The following FBXO42 variants were observed in gnomAD, a reference collection of about 807,000 sequenced individuals.
FBXO42 encodes the protein F-box protein 42.
FBXO42 carries 12 observed loss-of-function variants against 71.7 expected under a neutral mutation model. The ratio of observed to expected loss-of-function variants is 0.17; its 90% CI spans 0.11 to 0.27. The LOEUF (loss-of-function observed/expected upper bound fraction) is 0.27. Among genes scored for constraint, FBXO42 ranks in the 10% least tolerant of loss-of-function variants. FBXO42 has a pLI of 1.00. For synonymous variants in FBXO42, 325 were observed against 327.5 expected (o/e 0.99, Z 0.08); for missense variants, 707 against 911.9 (o/e 0.78, Z 2.89).
Position 16,250,489 on chromosome 1 carries a change from A to T in FBXO42, c.*181T>A. Reference sequence around the variant, plus strand: ...TTGGCTATATAATATATATATATATATTTATATATAATTTTTTTTCTTAAT... The same window carrying T: ...TTGGCTATATAATATATATATATATTTTTATATATAATTTTTTTTCTTAAT... On this transcript the variant is annotated 3_prime_UTR_variant, in exon 10 of 10. Transcript: ENST00000375592. This position sits in a 1 kb window ranked among gnomAD's most constrained non-coding sequence, Gnocchi z 4.7. 1 of 182,864 alleles carries T rather than the reference A, an allele frequency of 5.5e-6. No individual in the cohort carries two copies. The highest frequency in any genetic ancestry group is 1.1e-5 in the Non-Finnish European group (1 of 88,496). 11.3% of individuals were successfully genotyped at this position (182,864 alleles called of 1,614,324 possible).
At chr1:16,320,909 T>C (rs752221631) in intron 1 of FBXO42, among the ~76,000 whole-genome samples, 2 of 152,110 alleles carry the variant, frequency 1.3e-5, no homozygotes, top group African/African-American at 2.4e-5. Flanking sequence ...GGCTGCATGG[T>C]TGACATTTAA....
chr1:16,283,788 C>T (rs2081992051), intron 4 of FBXO42, among the ~76,000 whole-genome samples: 1 of 151,854 alleles, frequency 6.6e-6, no homozygotes, highest in African/African-American at 2.4e-5. Flanking sequence ...AGCCACCGTG[C>T]CTGGCCTGTG....
intron 4 of FBXO42, among the ~76,000 whole-genome samples, chr1:16,277,931 A>T (rs950561921): frequency 6.6e-6 from 1 of 151,954 alleles, no homozygotes; most frequent in East Asian, 1.9e-4. Context: ...AGTCCCAGCT[A>T]CTAGGGAGGC....
intron 4 of FBXO42, among the ~76,000 whole-genome samples, chr1:16,284,407 C>T (rs2081999636): frequency 6.6e-6 from 1 of 152,200 alleles, no homozygotes; most frequent in African/African-American, 2.4e-5. Context: ...AGGCCAATGT[C>T]TCCATTTGAT....
intron 3 of FBXO42, among the ~76,000 whole-genome samples, chr1:16,297,963 T>A (rs570687678): frequency 6.6e-6 from 1 of 150,746 alleles, no homozygotes; most frequent in South Asian, 2.1e-4. Flanking sequence ...CAGTGGCTCA[T>A]GCCTGTAATC....
chr1:16,291,227 T>A (rs1042650064), intron 4 of FBXO42, among the ~76,000 whole-genome samples: 4 of 152,172 alleles, frequency 2.6e-5, no homozygotes, highest in Non-Finnish European at 5.9e-5. Context: ...CACCAAGACT[T>A]ATAAACAACT....
rs1482927897 is a variant in FBXO42, at chr1:16,352,372, C to A, written c.-135G>T. The stretch of plus-strand genomic sequence containing the variant: ...CAGGCCGCGACAGCCGTGCTCGGGG[C>A]TCCTCACAGCTGGCGGGACCCCGAG... On this transcript the variant is annotated 5_prime_UTR_variant, in exon 1 of 10. Coordinates refer to ENST00000375592, the MANE Select transcript of FBXO42 (RefSeq NM_018994.3). 15 of 398,428 alleles carry A rather than the reference C, an allele frequency of 3.8e-5. No homozygotes were observed. The highest frequency in any genetic ancestry group is 6.3e-4 in the Middle Eastern group (1 of 1,590). 24.7% of individuals were successfully genotyped at this position (398,428 alleles called of 1,614,324 possible).
chr1:16,278,617 GA>G (rs2081929680), intron 4 of FBXO42, among the ~76,000 whole-genome samples: 1 of 152,080 alleles, frequency 6.6e-6, no homozygotes, highest in Non-Finnish European at 1.5e-5. Flanking sequence ...CAGGCTCAGG[GA>G]AGATAACCTA....
At chr1:16,266,865 C>G (rs996727311) in intron 4 of FBXO42, among the ~76,000 whole-genome samples, 2 of 152,088 alleles carry the variant, frequency 1.3e-5, no homozygotes, top group African/African-American at 4.8e-5. Context: ...CTAGAGGGCA[C>G]TGGAGGATAG....
rs2081550008 is a variant in FBXO42 at position 16,247,878 on chromosome 1, A to C, written c.*2792T>G. 2 of 151,956 alleles carry C rather than the reference A, an allele frequency of 1.3e-5. No individual in the cohort carries two copies. Among genetic ancestry groups the C allele is most frequent in the African/African-American group, 4.9e-5 (2 of 41,206 alleles). The allele number at this position is 151,956 out of a possible 1,614,324, so 9.4% of individuals were successfully genotyped here. A position where few individuals can be genotyped will look rare whatever the true frequency, so the allele number is the denominator to read the frequency against. ...TGTCCAAGAGGGTAGGGAGAGACTAAAATTCTTAAGTAAGATGGACAAGGT... is the reference window on the plus strand; with the variant it reads ...TGTCCAAGAGGGTAGGGAGAGACTACAATTCTTAAGTAAGATGGACAAGGT... On this transcript the variant is annotated 3_prime_UTR_variant, in exon 10 of 10. Coordinates refer to ENST00000375592, the MANE Select transcript of FBXO42 (RefSeq NM_018994.3).
At chr1:16,316,362 T>C (rs1001543769) in intron 1 of FBXO42, among the ~76,000 whole-genome samples, 1 of 152,102 alleles carries the variant, frequency 6.6e-6, no homozygotes, top group Middle Eastern at 3.4e-3. Flanking sequence ...ATCGCTCTAG[T>C]ACATCAACTT....
chr1:16,311,501 AAAATATAT>A (rs1409299124), intron 2 of FBXO42, among the ~76,000 whole-genome samples: 2 of 62,368 alleles, frequency 3.2e-5, no homozygotes, highest in Non-Finnish European at 7.3e-5. Flanking sequence ...AAAAAAAAAA[AAAATATAT>A]ATATATATAT....
chr1:16,326,303 G>A lies in FBXO42; in HGVS notation c.-17-10868C>T, dbSNP rs566587164. Reference sequence around the variant, plus strand: ...ACTCCCGACCTCAGGTGATCCATCTGCCTGGGCCTCCCAAAGTGCTGGGAT... The same window carrying A: ...ACTCCCGACCTCAGGTGATCCATCTACCTGGGCCTCCCAAAGTGCTGGGAT... On this transcript the variant is annotated intron_variant, in intron 1 of 9. Coordinates refer to ENST00000375592, the MANE Select transcript of FBXO42 (RefSeq NM_018994.3). Among the ~76,000 whole-genome samples the A allele has an allele frequency of 1.4e-3, 209 of 151,116 alleles. 1 individual carries two copies. Among genetic ancestry groups the A allele is most frequent in the African/African-American group, 4.9e-3 (203 of 41,238 alleles).
intron 4 of FBXO42, among the ~76,000 whole-genome samples, chr1:16,285,827 C>A (rs1196298164): frequency 6.6e-6 from 1 of 152,114 alleles, no homozygotes; most frequent in Non-Finnish European, 1.5e-5. Flanking sequence ...TTTCCAAATG[C>A]TGGAGTCTCC....
chr1:16,264,838 T>C (rs2081753924), intron 4 of FBXO42, among the ~76,000 whole-genome samples: 1 of 152,250 alleles, frequency 6.6e-6, no homozygotes, highest in Admixed American at 6.5e-5. Context: ...CCAAGGTTCC[T>C]ATGAAATCAG....
rs2081587221 is a variant in FBXO42 at position 16,251,160 on chromosome 1, G to T, written c.1664C>A (p.Ala555Asp). The T allele has an allele frequency of 2.5e-6, 4 of 1,614,164 alleles. No homozygotes were observed. The East Asian group carries it at 6.7e-5, about 27-fold the overall frequency. Residue 555 changes from alanine to aspartate, a missense_variant, in exon 10 of 10, where the codon GCC (alanine) becomes GAC (aspartate). Physicochemically the swap from Ala to Asp is moderately radical, Grantham distance 126 (BLOSUM62 -2). Around this residue, in one of 5 missense-constraint regions of FBXO42, gnomAD observed 482 missense variants for 587.1 expected, o/e 0.82. Coordinates refer to ENST00000375592, the MANE Select transcript of FBXO42 (RefSeq NM_018994.3). This position sits in a 1 kb window ranked among gnomAD's most constrained non-coding sequence, Gnocchi z 4.5. ...SALAGAVSPGALRRSLEAIKA... is the reference protein window; with the variant it reads ...SALAGAVSPGDLRRSLEAIKA... ...GATGGCTTCCAGACTCCGACGCAGG[G>T]CACCTGGGGAGACGGCCCCTGCAAG...
intron 2 of FBXO42, among the ~76,000 whole-genome samples, chr1:16,310,031 T>C (rs2082295624): frequency 6.6e-6 from 1 of 151,272 alleles, no homozygotes; most frequent in South Asian, 2.1e-4. Flanking sequence ...CCGTCTCTAC[T>C]AAAAATAGAA....
At chr1:16,308,518 T>TCTTG (rs1557595233) in intron 2 of FBXO42, among the ~76,000 whole-genome samples, 57 of 143,268 alleles carry the variant, frequency 4.0e-4, no homozygotes, top group Non-Finnish European at 6.2e-4. Flanking sequence ...TTTTTTCCTT[T>TCTTG]AGACTGAGTC....
chr1:16,256,484 T>C, intron 5 of FBXO42, 122 bp downstream of exon 5: 1 of 1,055,154 alleles, frequency 9.5e-7, no homozygotes, highest in Non-Finnish European at 1.4e-6. Context: ...TTTCCCCTCC[T>C]GGGAAAAGAG....
Sources: allele counts gnomAD v4.1 joint callset (sites outside exome capture counted in the v4.1 genomes callset), GRCh38; gene constraint gnomAD v4.1.1; regional missense constraint gnomAD v4.1.1; non-coding constraint Gnocchi (gnomAD v3.1); transcripts MANE v1.5; gene names NCBI Gene and HGNC (gene_info 2026-07-23, HGNC 2026-07-21).